The following SLC67A1 variants were observed in gnomAD, a reference collection of about 807,000 sequenced individuals.
SLC67A1 encodes solute carrier family 67 member 1.
the SLC67A1 span, among the ~76,000 whole-genome samples, chr11:2,923,151 C>T: frequency 6.6e-6 from 1 of 152,226 alleles, no homozygotes; most frequent in African/African-American, 2.4e-5. This position sits in a 1 kb window ranked among gnomAD's most constrained non-coding sequence, Gnocchi z 6.5. Flanking sequence ...TGCCCCACCC[C>T]AGGCACAGTG....
the SLC67A1 span, among the ~76,000 whole-genome samples, chr11:2,905,156 T>G: frequency 6.6e-6 from 1 of 152,090 alleles, no homozygotes; most frequent in Non-Finnish European, 1.5e-5. Flanking sequence ...ACAAGGCAGT[T>G]CAGCACAGAG....
the SLC67A1 span, among the ~76,000 whole-genome samples, chr11:2,900,029 C>A: frequency 2.0e-5 from 3 of 152,152 alleles, no homozygotes; most frequent in Admixed American, 6.5e-5. Flanking sequence ...CCCCAGGAGT[C>A]CCAAATCTAA....
chr11:2,919,536 G>A, the SLC67A1 span: 2 of 682,898 alleles, frequency 2.9e-6, no homozygotes, highest in South Asian at 1.8e-5. Context: ...ACATGTCAGG[G>A]TCCACAGGGA....
the SLC67A1 span, among the ~76,000 whole-genome samples, chr11:2,901,386 A>C: frequency 6.6e-6 from 1 of 152,186 alleles, no homozygotes; most frequent in Non-Finnish European, 1.5e-5. Flanking sequence ...TCACCCCTGC[A>C]GTTTTCTGCT....
chr11:2,923,905 C>G, the SLC67A1 span, among the ~76,000 whole-genome samples: 1 of 152,228 alleles, frequency 6.6e-6, no homozygotes, highest in South Asian at 2.1e-4. The surrounding 1 kb of genome is among the most constrained non-coding windows in gnomAD (Gnocchi z 6.5). Context: ...GCAGAAGAGG[C>G]TGCTCTTAAT....
the SLC67A1 span, chr11:2,909,825 C>A: frequency 1.7e-6 from 2 of 1,167,456 alleles, no homozygotes; most frequent in Non-Finnish European, 2.3e-6. Flanking sequence ...GCGCGAGTGG[C>A]CACGTGATGT....
chr11:2,920,776 G>C, the SLC67A1 span: 1 of 152,190 alleles, frequency 6.6e-6, no homozygotes, highest in African/African-American at 2.4e-5. Context: ...CTAAGTTCAA[G>C]CTTTTTTAAA....
chr11:2,900,610 G>A, the SLC67A1 span, among the ~76,000 whole-genome samples: 17 of 149,606 alleles, frequency 1.1e-4, no homozygotes, highest in East Asian at 2.0e-4. Flanking sequence ...GGAGAATGGC[G>A]TGAACCCGGG....
At chr11:2,922,182 C>T in the SLC67A1 span, 1 of 1,613,596 alleles carries the variant, frequency 6.2e-7, no homozygotes, top group Non-Finnish European at 8.5e-7. Context: ...TGCTGGTCTT[C>T]ATCGTGGTGG....
At chr11:2,917,944 T>C in the SLC67A1 span, 2 of 1,511,044 alleles carry the variant, frequency 1.3e-6, no homozygotes, top group Non-Finnish European at 1.8e-6. Context: ...GGGTGGGCAT[T>C]GGGACAATGG....
At chr11:2,909,761 G>T in the SLC67A1 span, 1 of 1,405,634 alleles carries the variant, frequency 7.1e-7, no homozygotes, top group African/African-American at 1.5e-5. Flanking sequence ...GCCCGCGGCT[G>T]GGTCGGCCCC....
chr11:2,916,996 G>T, the SLC67A1 span: 1 of 547,472 alleles, frequency 1.8e-6, no homozygotes, highest in South Asian at 2.5e-5. Flanking sequence ...CAGGGAAGGC[G>T]TTAGGAGGGG....
the SLC67A1 span, among the ~76,000 whole-genome samples, chr11:2,901,429 A>T: frequency 6.6e-6 from 1 of 152,138 alleles, no homozygotes; most frequent in Non-Finnish European, 1.5e-5. Flanking sequence ...TGGCAGGGGG[A>T]CACTGGTTTT....
the SLC67A1 span, among the ~76,000 whole-genome samples, chr11:2,913,310 T>C: frequency 6.6e-6 from 1 of 152,110 alleles, no homozygotes; most frequent in Non-Finnish European, 1.5e-5. Flanking sequence ...GCTGAGATGG[T>C]TCTGGCCCCG....
chr11:2,906,044 G>A, the SLC67A1 span, among the ~76,000 whole-genome samples: 1 of 152,212 alleles, frequency 6.6e-6, no homozygotes, highest in African/African-American at 2.4e-5. Flanking sequence ...GCTTGGGGAT[G>A]AGAAACTCAG....
chr11:2,910,093 C>T, the SLC67A1 span, among the ~76,000 whole-genome samples: 1 of 152,128 alleles, frequency 6.6e-6, no homozygotes, highest in Non-Finnish European at 1.5e-5. Context: ...TTGGACGGTG[C>T]CCAGAGCACA....
At chr11:2,922,196 T>A in the SLC67A1 span, 1 of 1,613,040 alleles carries the variant, frequency 6.2e-7, no homozygotes, top group Non-Finnish European at 8.5e-7. Flanking sequence ...GTGGTGGGCC[T>A]GGCCATGGTG....
chr11:2,902,525 C>G, the SLC67A1 span: 2 of 963,114 alleles, frequency 2.1e-6, no homozygotes, highest in Non-Finnish European at 2.5e-6. Flanking sequence ...GGGCGCCAGG[C>G]GCAGCTCCCG....
the SLC67A1 span, among the ~76,000 whole-genome samples, chr11:2,918,478 G>A: frequency 2.0e-5 from 3 of 152,224 alleles, no homozygotes; most frequent in Non-Finnish European, 2.9e-5. Flanking sequence ...GCAGACCGTA[G>A]GGCGTCACGG....
Sources: allele counts gnomAD v4.1 joint callset (sites outside exome capture counted in the v4.1 genomes callset), GRCh38; gene constraint gnomAD v4.1.1; non-coding constraint Gnocchi (gnomAD v3.1); transcripts MANE v1.5; gene names NCBI Gene and HGNC (gene_info 2026-07-23, HGNC 2026-07-21).